SLC44A1: variants seen among roughly 807,000 people sequenced by gnomAD.
SLC44A1 encodes choline transporter-like protein 1.
SLC44A1 carries 26 observed loss-of-function variants against 79.3 expected under a neutral mutation model. That is an observed-to-expected ratio of 0.33 (90% CI 0.24 to 0.46). The LOEUF (loss-of-function observed/expected upper bound fraction) is 0.46. SLC44A1 is among the 20% of genes least tolerant of loss of function. SLC44A1 has a pLI of 1.00. For synonymous variants in SLC44A1, 263 were observed against 286.2 expected (o/e 0.92, Z 0.82); for missense variants, 688 against 798.1 (o/e 0.86, Z 1.66).
intron 14 of SLC44A1, among the ~76,000 whole-genome samples, chr9:105,384,216 T>G (rs1375219552): frequency 6.6e-6 from 1 of 152,046 alleles, no homozygotes; most frequent in African/African-American, 2.4e-5. Flanking sequence ...GACGGAGTCT[T>G]GCTTTGTCAC....
rs191925517 is a variant in SLC44A1, at chr9:105,324,089, C to T, written c.270-11474C>T. Among the ~76,000 whole-genome samples, 6 of 152,174 alleles carry T rather than the reference C, an allele frequency of 3.9e-5. No individual in the cohort carries two copies. In the East Asian group the frequency reaches 9.7e-4, roughly 25 times the overall value. ...CGATCTAGGCTCACTGCAAGCTCCA[C>T]CTCCCGGATTCACGCCATTCTCCTG... On this transcript the variant is annotated intron_variant, in intron 3 of 15. Transcript: ENST00000374720.
intron 15 of SLC44A1, among the ~76,000 whole-genome samples, chr9:105,418,314 CAAAAAAAAAA>C (rs10617928): frequency 1.7e-4 from 10 of 57,958 alleles, no homozygotes; most frequent in African/African-American, 4.9e-4. Flanking sequence ...AACTCCGTCT[CAAAAAAAAAA>C]AAAAAAAAAA....
chr9:105,396,234 G>A lies in SLC44A1; in HGVS notation c.*7178G>A, dbSNP rs765115239. ...TGAAAGAAGTTGTTATACTTTCTCAGAATATTCTGGACCACTGAATGCACT... is the reference window on the plus strand; with the variant it reads ...TGAAAGAAGTTGTTATACTTTCTCAAAATATTCTGGACCACTGAATGCACT... On this transcript the variant is annotated 3_prime_UTR_variant, in exon 16 of 16. Coordinates refer to ENST00000374720, the MANE Select transcript of SLC44A1 (RefSeq NM_080546.5). 2.0e-6 allele frequency: 2 copies of A among 985,118 alleles called. No individual in the cohort carries two copies. The highest frequency in any genetic ancestry group is 2.4e-6 in the Non-Finnish European group (2 of 829,700). The allele number at this position is 985,118 out of a possible 1,614,324, so 61.0% of individuals were successfully genotyped here.
chr9:105,356,827 G>GCATAGTA (rs1253518992), intron 6 of SLC44A1, among the ~76,000 whole-genome samples: 2 of 151,980 alleles, frequency 1.3e-5, no homozygotes, highest in African/African-American at 4.8e-5. Context: ...TTGCTACAGT[G>GCATAGTA]CATAGTATCA....
intron 15 of SLC44A1, among the ~76,000 whole-genome samples, chr9:105,436,481 T>C (rs1410259438): frequency 6.6e-6 from 1 of 152,126 alleles, no homozygotes; most frequent in Non-Finnish European, 1.5e-5. Flanking sequence ...CCGAGGAGGC[T>C]GAAGTGGGAG....
chr9:105,268,867 G>A (rs967231661), intron 1 of SLC44A1, among the ~76,000 whole-genome samples: 12 of 152,088 alleles, frequency 7.9e-5, no homozygotes, highest in African/African-American at 2.9e-4. Flanking sequence ...CCTTTCTTCT[G>A]GATTCTTAAT....
At chr9:105,435,050 G>A (rs1233957320) in intron 15 of SLC44A1, among the ~76,000 whole-genome samples, 1 of 152,080 alleles carries the variant, frequency 6.6e-6, no homozygotes, top group East Asian at 1.9e-4. Context: ...AGAAGGCTGA[G>A]GTGGGAGGAT....
chr9:105,356,369 T>A lies in SLC44A1; in HGVS notation c.658T>A (p.Leu220Met). 1 of 1,593,430 alleles carries A rather than the reference T, an allele frequency of 6.3e-7. No individual in the cohort carries two copies. The highest frequency in any genetic ancestry group is 2.2e-5 in the East Asian group (1 of 44,658). ...CAAAGAAATTATATTGGGACTTTGC[T>A]TGTTATCACTAGGTAATTGTTTTTC... ...TSKEIILGLC[L>M]LSLVLSMILM... Residue 220 changes from leucine to methionine, a missense_variant, in exon 6 of 16, where the codon TTG becomes ATG. By Grantham distance (15) the Leu-to-Met change is conservative (BLOSUM62 2). Transcript: ENST00000374720.
At chr9:105,377,972 G>A (rs1828345334) in intron 13 of SLC44A1, among the ~76,000 whole-genome samples, 1 of 152,146 alleles carries the variant, frequency 6.6e-6, no homozygotes, top group South Asian at 2.1e-4. Context: ...AGAGGGCCGG[G>A]CACGGTGGCT....
intron 8 of SLC44A1, among the ~76,000 whole-genome samples, chr9:105,361,669 T>TA (rs1221213448): frequency 6.6e-6 from 1 of 152,202 alleles, no homozygotes; most frequent in Non-Finnish European, 1.5e-5. Flanking sequence ...AAAAGTATGT[T>TA]AAAAAATATA....
intron 13 of SLC44A1, among the ~76,000 whole-genome samples, chr9:105,380,241 C>T (rs1040697223): frequency 1.4e-4 from 22 of 152,210 alleles, no homozygotes; most frequent in African/African-American, 5.3e-4. Flanking sequence ...CTACATCTTT[C>T]TGACTCCAAA....
intron 15 of SLC44A1, among the ~76,000 whole-genome samples, chr9:105,436,063 T>C (rs964903399): frequency 4.6e-5 from 7 of 152,036 alleles, no homozygotes; most frequent in African/African-American, 1.7e-4. Flanking sequence ...CCTGGCATGG[T>C]GGTGTGCGCC....
chr9:105,263,536 T>C lies in SLC44A1; in HGVS notation c.36+18632T>C, dbSNP rs559899966. On this transcript the variant is annotated intron_variant, in intron 1 of 15. Transcript: ENST00000374720. ...TATTTTTATCAGTTACACATGTGTG[T>C]ATTTTTTTTTTTTTTTTGAGATGGA... is the stretch of plus-strand genomic sequence containing the variant. Among the ~76,000 whole-genome samples the C allele has an allele frequency of 3.5e-5, 5 of 144,134 alleles. No individual in the cohort carries two copies. The South Asian group carries it at 1.1e-3, about 30-fold the overall frequency. The allele number at this position is 144,134 out of a possible 152,430, so 94.6% of individuals were successfully genotyped here.
In SLC44A1 at chr9:105,391,757, A is replaced by C; in HGVS notation, c.*2701A>C. 5.1e-6 allele frequency: 5 copies of C among 985,362 alleles called. No homozygotes were observed. The highest frequency in any genetic ancestry group is 6.0e-6 in the Non-Finnish European group (5 of 829,928). The allele number at this position is 985,362 out of a possible 1,614,324, so 61.0% of individuals were successfully genotyped here. A position where few individuals can be genotyped will look rare whatever the true frequency, so the allele number is the denominator to read the frequency against. On this transcript the variant is annotated 3_prime_UTR_variant, in exon 16 of 16. Transcript: ENST00000374720. ...TTCCATCTTCTGCCCAAGTGAGAAG[A>C]ATAGATGAAGAACAGAAATTTCTCT...
intron 1 of SLC44A1, among the ~76,000 whole-genome samples, chr9:105,260,573 TAAATTTC>T (rs1829816324): frequency 6.6e-6 from 1 of 152,214 alleles, no homozygotes; most frequent in East Asian, 1.9e-4. Context: ...CAAAAGTAGA[TAAATTTC>T]AAGTCACTCA....
intron 1 of SLC44A1, among the ~76,000 whole-genome samples, chr9:105,260,027 T>C (rs1005503243): frequency 3.3e-5 from 5 of 152,204 alleles, no homozygotes; most frequent in African/African-American, 9.6e-5. Flanking sequence ...TAGATGGTGC[T>C]CTACATGCCA....
At chr9:105,376,246 G>C (rs544895530) in intron 13 of SLC44A1, among the ~76,000 whole-genome samples, 1 of 150,514 alleles carries the variant, frequency 6.6e-6, no homozygotes, top group Non-Finnish European at 1.5e-5. Flanking sequence ...TTTTGTTTAC[G>C]TATTTATAAT....
intron 15 of SLC44A1, among the ~76,000 whole-genome samples, chr9:105,420,478 C>G (rs1829231546): frequency 6.6e-6 from 1 of 152,112 alleles, no homozygotes; most frequent in African/African-American, 2.4e-5. Flanking sequence ...AATCATGCAT[C>G]CCTTTTTAAT....
At chr9:105,416,141 C>T (rs1829167903) in intron 15 of SLC44A1, among the ~76,000 whole-genome samples, 1 of 152,024 alleles carries the variant, frequency 6.6e-6, no homozygotes, top group Non-Finnish European at 1.5e-5. Flanking sequence ...AAAAGATCCA[C>T]CCATCTTGGC....
Sources: gnomAD v4.1 joint callset for allele counts (sites outside exome capture counted in the v4.1 genomes callset) on GRCh38, gnomAD v4.1.1 for gene constraint, MANE v1.5 for transcripts, NCBI Gene and HGNC (gene_info 2026-07-23, HGNC 2026-07-21) for gene names.